Variants in CHD9 observed in about 807,000 individuals in gnomAD.
The protein encoded by CHD9 is ATP-dependent chromatin remodeler CHD9.
A neutral mutation model predicts 316.1 loss-of-function variants in CHD9; 77 were observed. The observed-to-expected ratio is 0.24, with a 90% CI of 0.20 to 0.29. The LOEUF (loss-of-function observed/expected upper bound fraction) is 0.29. Ranked by LOEUF, CHD9 falls within the 10% of genes least tolerant of loss-of-function variation. CHD9 has a pLI of 1.00. For missense variants in CHD9, 2,763 were observed against 3,438.1 expected (o/e 0.80, Z 4.91); for synonymous variants, 1,129 against 1,158.3 (o/e 0.97, Z 0.51).
At chr16:53,203,350 C>G (rs1477006200) in intron 2 of CHD9, among the ~76,000 whole-genome samples, 4 of 152,134 alleles carry the variant, frequency 2.6e-5, no homozygotes, top group African/African-American at 9.7e-5. Context: ...ACCACTGTCT[C>G]CTGATACTTA....
intron 36 of CHD9, among the ~76,000 whole-genome samples, chr16:53,317,396 A>G (rs542221419): frequency 3.9e-5 from 6 of 152,306 alleles, no homozygotes; most frequent in African/African-American, 1.4e-4. Flanking sequence ...AATACCTGCA[A>G]ACATTAAGCC....
chr16:53,091,009 C>CCA (rs1555481484), intron 1 of CHD9, among the ~76,000 whole-genome samples: 5 of 151,670 alleles, frequency 3.3e-5, no homozygotes, highest in Admixed American at 3.3e-4. Flanking sequence ...TCACCCCCCC[C>CCA]CGACTGACCG....
intron 36 of CHD9, 91 bp from the exon 37 acceptor site, chr16:53,318,121 A>T: frequency 9.8e-7 from 1 of 1,020,150 alleles, no homozygotes; most frequent in Non-Finnish European, 1.4e-6. Context: ...GGTAAATGCT[A>T]TTAAATTACT....
chr16:53,255,879 A>G (rs1221598215), intron 19 of CHD9, 100 bp downstream of exon 19: 12 of 1,114,780 alleles, frequency 1.1e-5, no homozygotes, highest in Admixed American at 4.3e-5. Context: ...AAACATACTG[A>G]ATTAGCCAAG....
intron 38 of CHD9, among the ~76,000 whole-genome samples, chr16:53,322,380 G>C (rs184832360): frequency 2.0e-5 from 3 of 151,714 alleles, no homozygotes; most frequent in Admixed American, 2.0e-4. Flanking sequence ...GGCCGAGGCG[G>C]GTGGATCACC....
chr16:53,231,475 C>A lies in CHD9; in HGVS notation c.2343C>A (p.Val781=). The change falls in exon 9 of 39, where the codon GTC becomes GTA. Residue 781 remains valine (V), a synonymous_variant. Coordinates refer to ENST00000447540, the MANE Select transcript of CHD9 (RefSeq NM_001308319.2). ...TTGAAGTAGACAGAGTATTAGAAGT[C>A]TCTTTTTGTGAAGATAAGGATACTG... is the stretch of plus-strand genomic sequence containing the variant. ...DYVEVDRVLE[V]SFCEDKDTGE... 6.3e-7 allele frequency: 1 copy of A among 1,599,790 alleles called. No homozygotes were observed. The highest frequency in any genetic ancestry group is 1.1e-5 in the South Asian group (1 of 89,688).
intron 1 of CHD9, among the ~76,000 whole-genome samples, chr16:53,133,851 G>C (rs1465871708): frequency 6.6e-6 from 1 of 152,082 alleles, no homozygotes; most frequent in Non-Finnish European, 1.5e-5. Context: ...GACCTTCCTG[G>C]TTTACCTCTG....
intron 1 of CHD9, chr16:53,121,870 G>A (rs1597054965): frequency 6.5e-6 from 1 of 152,770 alleles, no homozygotes; most frequent in African/African-American, 2.4e-5. Flanking sequence ...AGGGGCTAAT[G>A]TGGAGTTCAT....
intron 11 of CHD9, among the ~76,000 whole-genome samples, chr16:53,236,584 C>CTCTCTT (rs1023559882): frequency 4.6e-5 from 7 of 151,838 alleles, no homozygotes; most frequent in African/African-American, 1.2e-4. Context: ...TTCTCTCTCT[C>CTCTCTT]TCTCTTTCTC....
At chr16:53,172,561 T>C (rs993486989) in intron 2 of CHD9, among the ~76,000 whole-genome samples, 1 of 152,132 alleles carries the variant, frequency 6.6e-6, no homozygotes, top group Admixed American at 6.6e-5. Flanking sequence ...TTTTAATAGG[T>C]ATATATTTAA....
intron 1 of CHD9, among the ~76,000 whole-genome samples, chr16:53,091,019 G>A (rs1018056897): frequency 1.3e-5 from 2 of 150,038 alleles, no homozygotes; most frequent in Admixed American, 6.7e-5. Flanking sequence ...CCGACTGACC[G>A]CGGTGAGGCT....
intron 2 of CHD9, among the ~76,000 whole-genome samples, chr16:53,205,363 C>T (rs2045816714): frequency 6.6e-6 from 1 of 151,996 alleles, no homozygotes; most frequent in African/African-American, 2.4e-5. Flanking sequence ...CCTACATAAC[C>T]ACAGTATAAC....
At chr16:53,158,277 T>C (rs1372275759) in intron 2 of CHD9, among the ~76,000 whole-genome samples, 1 of 152,204 alleles carries the variant, frequency 6.6e-6, no homozygotes, top group African/African-American at 2.4e-5. Context: ...TTAATATACT[T>C]ACAAGGGACA....
intron 12 of CHD9, among the ~76,000 whole-genome samples, chr16:53,242,173 C>T (rs2049160882): frequency 1.3e-5 from 2 of 152,210 alleles, no homozygotes; most frequent in African/African-American, 4.8e-5. Context: ...CTCCCAACCA[C>T]TCTATACAAA....
intron 1 of CHD9, among the ~76,000 whole-genome samples, chr16:53,087,475 G>A (rs1359060097): frequency 6.6e-6 from 1 of 152,184 alleles, no homozygotes; most frequent in Non-Finnish European, 1.5e-5. Flanking sequence ...AGCTCCAAAA[G>A]CCAGGAGACT....
intron 17 of CHD9, 163 bp downstream of exon 17, chr16:53,250,229 A>G: frequency 1.6e-6 from 1 of 609,360 alleles, no homozygotes; most frequent in South Asian, 2.3e-5. Flanking sequence ...TTTAATTGTT[A>G]TGATAAAAAC....
At chr16:53,306,860 A>T (rs972889288) in intron 32 of CHD9, among the ~76,000 whole-genome samples, 6 of 151,906 alleles carry the variant, frequency 3.9e-5, no homozygotes, top group Non-Finnish European at 8.8e-5. Flanking sequence ...GCTCACTGCA[A>T]CCTCCGCCTC....
intron 1 of CHD9, among the ~76,000 whole-genome samples, chr16:53,130,154 C>T (rs1263834447): frequency 6.6e-6 from 1 of 152,188 alleles, no homozygotes; most frequent in Non-Finnish European, 1.5e-5. Context: ...TCCCCTAGCT[C>T]GCGGCGTGGA....
At chr16:53,281,826 T>C (rs1385370949) in intron 24 of CHD9, among the ~76,000 whole-genome samples, 2 of 152,156 alleles carry the variant, frequency 1.3e-5, no homozygotes, top group Admixed American at 6.6e-5. Flanking sequence ...TCAACTCAAG[T>C]ATTTCCTTCT....
Sources: gnomAD v4.1 joint callset for allele counts (sites outside exome capture counted in the v4.1 genomes callset) on GRCh38, gnomAD v4.1.1 for gene constraint, MANE v1.5 for transcripts, NCBI Gene and HGNC (gene_info 2026-07-23, HGNC 2026-07-21) for gene names.